MLLT3: variants seen among roughly 807,000 people sequenced by gnomAD.
MLLT3 encodes the protein protein AF-9.
In MLLT3, 4 loss-of-function variants were observed where a neutral mutation model predicts 53.2. The ratio of observed to expected loss-of-function variants is 0.08; its 90% CI spans 0.04 to 0.17. MLLT3 has a LOEUF of 0.17. Among genes scored for constraint, MLLT3 ranks in the 10% least tolerant of loss-of-function variants. MLLT3 has a pLI of 1.00. For missense variants in MLLT3, 569 were observed against 684.0 expected (o/e 0.83, Z 1.87); for synonymous variants, 283 against 230.6 (o/e 1.23, Z -2.06).
intron 2 of MLLT3, among the ~76,000 whole-genome samples, chr9:20,462,282 T>G (rs1217882777): frequency 6.6e-6 from 1 of 152,206 alleles, no homozygotes; most frequent in Non-Finnish European, 1.5e-5. Context: ...GAACAAAATT[T>G]TAAAAAGTTT....
chr9:20,443,449 A>C (rs1277254185), intron 4 of MLLT3, among the ~76,000 whole-genome samples: 2 of 152,198 alleles, frequency 1.3e-5, no homozygotes, highest in African/African-American at 4.8e-5. Flanking sequence ...TCTAATGAAA[A>C]GTTACATCTT....
chr9:20,535,816 G>T (rs556029552), intron 2 of MLLT3, among the ~76,000 whole-genome samples: 1 of 152,092 alleles, frequency 6.6e-6, no homozygotes, highest in South Asian at 2.1e-4. Flanking sequence ...GTTTGATACC[G>T]GCAAGTGTTA....
At chr9:20,377,727 C>A (rs779245983) in intron 5 of MLLT3, among the ~76,000 whole-genome samples, 1 of 152,030 alleles carries the variant, frequency 6.6e-6, no homozygotes, top group Non-Finnish European at 1.5e-5. Context: ...AAATGTGAAA[C>A]CTGGATTTAC....
intron 2 of MLLT3, among the ~76,000 whole-genome samples, chr9:20,586,318 T>C (rs1478123758): frequency 6.8e-6 from 1 of 147,928 alleles, no homozygotes; most frequent in African/African-American, 2.5e-5. Context: ...AGACCCCATC[T>C]CAGAGAAAAA....
Position 20,572,322 on chromosome 9 carries a change from C to T in MLLT3, c.193+48332G>A, listed in dbSNP as rs536460573. 4.6e-5 allele frequency among the ~76,000 whole-genome samples: 7 copies of T among 152,020 alleles called. No individual in the cohort carries two copies. The South Asian group carries it at 6.2e-4, about 14-fold the overall frequency. On this transcript the variant is annotated intron_variant, in intron 2 of 10. Transcript: ENST00000380338. Reference sequence around the variant, plus strand: ...GCTGACCACGGTTAATAATAATATACGGTATATTTCAAAATTGCTGAGAGA... The same window carrying T: ...GCTGACCACGGTTAATAATAATATATGGTATATTTCAAAATTGCTGAGAGA...
intron 5 of MLLT3, among the ~76,000 whole-genome samples, chr9:20,388,331 G>T (rs1822091944): frequency 6.6e-6 from 1 of 152,218 alleles, no homozygotes; most frequent in African/African-American, 2.4e-5. Context: ...GCTCAGGCCT[G>T]TAGTCCCAGA....
In MLLT3 at chr9:20,362,705, G is replaced by GTTT. The variant is rs1563936918; in HGVS notation, c.1331+770_1331+771insAAA. The GTTT allele has an allele frequency of 2.4e-3, 223 of 92,686 alleles. 1 individual carries two copies. The highest frequency in any genetic ancestry group is 0.024 in the African/African-American group (219 of 9,280). 5.7% of individuals were successfully genotyped at this position (92,686 alleles called of 1,614,324 possible). A position where few individuals can be genotyped will look rare whatever the true frequency, so the allele number is the denominator to read the frequency against. ...GGTCTCTCCAGTTTGGGTTAAGACC[G>GTTT]CTTTTTTTTTTTTTTTTTTTTTTGA... On this transcript the variant is annotated intron_variant, in intron 7 of 10. Transcript: ENST00000380338.
intron 2 of MLLT3, among the ~76,000 whole-genome samples, chr9:20,528,702 G>A (rs1818260567): frequency 6.6e-6 from 1 of 152,154 alleles, no homozygotes; most frequent in Non-Finnish European, 1.5e-5. Flanking sequence ...ATTTCACTAG[G>A]ATACTTAAGA....
intron 5 of MLLT3, among the ~76,000 whole-genome samples, chr9:20,401,241 C>A (rs1443345839): frequency 6.6e-6 from 1 of 152,012 alleles, no homozygotes; most frequent in Non-Finnish European, 1.5e-5. Flanking sequence ...ATCCCCAGTG[C>A]CCAATAACCC....
intron 5 of MLLT3, among the ~76,000 whole-genome samples, chr9:20,396,603 A>G (rs1355340766): frequency 2.0e-5 from 3 of 152,032 alleles, no homozygotes; most frequent in African/African-American, 7.2e-5. Flanking sequence ...CCTGGGCCCA[A>G]AGTGCTATGG....
intron 4 of MLLT3, chr9:20,418,286 C>T (rs1350988068): frequency 1.3e-5 from 2 of 152,216 alleles, no homozygotes; most frequent in African/African-American, 4.8e-5. Context: ...CAATGAATAA[C>T]ACAGAGGGAT....
chr9:20,564,698 A>G (rs1819303423), intron 2 of MLLT3, among the ~76,000 whole-genome samples: 1 of 152,192 alleles, frequency 6.6e-6, no homozygotes, highest in African/African-American at 2.4e-5. Context: ...AATTCTGCCA[A>G]TTAGTTCCGC....
intron 3 of MLLT3, among the ~76,000 whole-genome samples, chr9:20,450,657 A>G (rs534566511): frequency 3.9e-5 from 6 of 152,258 alleles, no homozygotes; most frequent in African/African-American, 1.2e-4. Context: ...ATGCAAACTC[A>G]TTATTCAAGA....
intron 5 of MLLT3, among the ~76,000 whole-genome samples, chr9:20,400,592 A>G (rs1012188895): frequency 6.6e-6 from 1 of 152,148 alleles, no homozygotes; most frequent in African/African-American, 2.4e-5. Context: ...AAATCATACC[A>G]GGCTAGGAGA....
At chr9:20,565,942 A>ATATATATATATTTATATATATATATT (rs1819351016) in intron 2 of MLLT3, among the ~76,000 whole-genome samples, 4 of 12,426 alleles carry the variant, frequency 3.2e-4, no homozygotes, top group African/African-American at 4.7e-4. Flanking sequence ...ATATATTTAT[A>ATATATATATATTTATATATATATATT]TATATATATA....
intron 6 of MLLT3, 58 bp from the exon 7 acceptor site, chr9:20,363,663 T>C (rs1821380702): frequency 1.3e-6 from 2 of 1,561,878 alleles, no homozygotes; most frequent in Middle Eastern, 1.7e-4. Flanking sequence ...CACTTAGCCA[T>C]ATTAGAAACA....
chr9:20,537,245 A>C (rs1323396303), intron 2 of MLLT3, among the ~76,000 whole-genome samples: 2 of 152,252 alleles, frequency 1.3e-5, no homozygotes, highest in African/African-American at 4.8e-5. Flanking sequence ...AGCTAAGGCC[A>C]AATCAATGCA....
chr9:20,507,035 GA>G (rs2118953000), intron 2 of MLLT3, among the ~76,000 whole-genome samples: 1 of 152,224 alleles, frequency 6.6e-6, no homozygotes, highest in Admixed American at 6.5e-5. Context: ...GCAGTATGAA[GA>G]GTGCAAGGCA....
chr9:20,422,274 G>A (rs890084437), intron 4 of MLLT3, among the ~76,000 whole-genome samples: 3 of 152,182 alleles, frequency 2.0e-5, no homozygotes, highest in Non-Finnish European at 2.9e-5. Context: ...GGTTTTACTT[G>A]TTTCGACTTT....
Sources: allele counts gnomAD v4.1 joint callset (sites outside exome capture counted in the v4.1 genomes callset), GRCh38; gene constraint gnomAD v4.1.1; transcripts MANE v1.5; gene names NCBI Gene and HGNC (gene_info 2026-07-23, HGNC 2026-07-21).